The following INPP5A variants were observed in gnomAD, a reference collection of about 807,000 sequenced individuals.
INPP5A encodes the protein inositol polyphosphate-5-phosphatase A, also known as 43 kDa inositol polyphosphate 5-phophatase.
INPP5A carries 14 observed loss-of-function variants against 65.2 expected under a neutral mutation model. That is an observed-to-expected ratio of 0.21 (90% CI 0.14 to 0.34). The LOEUF is 0.34. Ranked by LOEUF, INPP5A falls within the 10% of genes least tolerant of loss-of-function variation. INPP5A has a pLI of 1.00. For missense variants in INPP5A, 431 were observed against 545.6 expected (o/e 0.79, Z 2.09); for synonymous variants, 207 against 208.3 (o/e 0.99, Z 0.05).
At chr10:132,624,409 C>T (rs1057002475) in intron 2 of INPP5A, among the ~76,000 whole-genome samples, 6 of 152,270 alleles carry the variant, frequency 3.9e-5, no homozygotes, top group Admixed American at 6.5e-5. Context: ...CACACCGGCG[C>T]GCCCTCACCA....
rs779652151 is a variant in INPP5A, at chr10:132,741,806, G to A, written c.733-7711G>A. Among the ~76,000 whole-genome samples, 2 of 128,774 alleles carry A rather than the reference G, an allele frequency of 1.6e-5. No homozygotes were observed. The highest frequency in any genetic ancestry group is 5.4e-4 in the East Asian group (2 of 3,718). 84.5% of individuals were successfully genotyped at this position (128,774 alleles called of 152,430 possible). A position where few individuals can be genotyped will look rare whatever the true frequency, so the allele number is the denominator to read the frequency against. ...CCGCTTGCTTTACTCAATAGCCGACGTAAACTGAGGTGGACGTTGGCGTCC... is the reference window on the plus strand; with the variant it reads ...CCGCTTGCTTTACTCAATAGCCGACATAAACTGAGGTGGACGTTGGCGTCC... On this transcript the variant is annotated intron_variant, in intron 9 of 15. Coordinates refer to ENST00000368594, the MANE Select transcript of INPP5A (RefSeq NM_005539.5). This position sits in a 1 kb window ranked among gnomAD's most constrained non-coding sequence, Gnocchi z 4.4.
chr10:132,697,974 G>A lies in INPP5A; in HGVS notation c.474+55G>A, dbSNP rs1845373224. The A allele has an allele frequency of 1.7e-6, 2 of 1,178,838 alleles. No individual in the cohort carries two copies. The highest frequency in any genetic ancestry group is 1.9e-4 in the Middle Eastern group (1 of 5,280). 73.0% of individuals were successfully genotyped at this position (1,178,838 alleles called of 1,614,324 possible). On this transcript the variant is annotated intron_variant, in intron 6 of 15. Transcript: ENST00000368594. This position sits in a 1 kb window ranked among gnomAD's most constrained non-coding sequence, Gnocchi z 5.6. ...TTTACTTCTCAGAGTGAGCCAGTCAGAAGTGACATGGAACACGGAATTTTC... is the reference window on the plus strand; with the variant it reads ...TTTACTTCTCAGAGTGAGCCAGTCAAAAGTGACATGGAACACGGAATTTTC...
intron 2 of INPP5A, among the ~76,000 whole-genome samples, chr10:132,641,077 C>T (rs147280649): frequency 5.7e-4 from 87 of 152,344 alleles, no homozygotes; most frequent in Admixed American, 9.1e-4. Context: ...CGATTCACTG[C>T]GTCATTAAGA....
chr10:132,693,102 A>G (rs1404415899), intron 5 of INPP5A, among the ~76,000 whole-genome samples: 4 of 152,206 alleles, frequency 2.6e-5, no homozygotes, highest in Admixed American at 2.6e-4. Flanking sequence ...AAAAGTGGAC[A>G]TGGATTAGTT....
chr10:132,573,848 C>T (rs2071382343), intron 1 of INPP5A, among the ~76,000 whole-genome samples: 1 of 118,584 alleles, frequency 8.4e-6, no homozygotes. Context: ...GGTGTGTGTG[C>T]TGTGTGAGGT....
chr10:132,733,532 C>T (rs11146483), intron 9 of INPP5A, among the ~76,000 whole-genome samples: 2,591 of 152,272 alleles, frequency 0.017, 80 homozygotes, highest in African/African-American at 0.058. Context: ...TCAAAATCTG[C>T]TAGTTGGCAT....
intron 2 of INPP5A, among the ~76,000 whole-genome samples, chr10:132,623,010 T>C (rs532352136): frequency 1.3e-5 from 2 of 150,862 alleles, no homozygotes; most frequent in South Asian, 2.1e-4. Flanking sequence ...TTGAGAAATA[T>C]ACCGTCCGTG....
At chr10:132,700,535 G>C (rs1044807012) in intron 6 of INPP5A, among the ~76,000 whole-genome samples, 1 of 152,206 alleles carries the variant, frequency 6.6e-6, no homozygotes, top group Non-Finnish European at 1.5e-5. Context: ...CCTAGTGTGG[G>C]TTTTTAACCC....
At chr10:132,541,420 C>G (rs865930874) in intron 1 of INPP5A, among the ~76,000 whole-genome samples, 4 of 152,302 alleles carry the variant, frequency 2.6e-5, no homozygotes, top group African/African-American at 7.2e-5. Context: ...GGCCATGCTG[C>G]GGGCTGCGGG....
chr10:132,648,912 T>A (rs1035142960), intron 3 of INPP5A, among the ~76,000 whole-genome samples: 2 of 152,254 alleles, frequency 1.3e-5, no homozygotes, highest in Non-Finnish European at 2.9e-5. Flanking sequence ...GTTTATCGTT[T>A]TAATCAAATT....
chr10:132,588,291 G>C (rs958468175), intron 1 of INPP5A, among the ~76,000 whole-genome samples: 1 of 152,162 alleles, frequency 6.6e-6, no homozygotes, highest in Non-Finnish European at 1.5e-5. Context: ...CAGCTAACAG[G>C]AATAATATTC....
rs1050741895 is a variant in INPP5A, at chr10:132,549,054, A to G, written c.75+10883A>G. ...GTGATCCTCCCACCTTGGCCTCCCA[A>G]GGTGCTGGGATGACAGGTGTGAGCC... On this transcript the variant is annotated intron_variant, in intron 1 of 15. Coordinates refer to ENST00000368594, the MANE Select transcript of INPP5A (RefSeq NM_005539.5). The surrounding 1 kb of genome is among the most constrained non-coding windows in gnomAD (Gnocchi z 4.9). Among the ~76,000 whole-genome samples, 4 of 151,906 alleles carry G rather than the reference A, an allele frequency of 2.6e-5. No homozygotes were observed. Among genetic ancestry groups the G allele is most frequent in the African/African-American group, 9.7e-5 (4 of 41,358 alleles).
At chr10:132,766,884 G>A (rs1180889173) in intron 12 of INPP5A, among the ~76,000 whole-genome samples, 1 of 147,884 alleles carries the variant, frequency 6.8e-6, no homozygotes, top group Non-Finnish European at 1.5e-5. Flanking sequence ...GTGGGAGCTG[G>A]AGGATGCGGC....
intron 8 of INPP5A, among the ~76,000 whole-genome samples, chr10:132,726,021 T>TG (rs575705972): frequency 7.9e-5 from 12 of 152,192 alleles, no homozygotes; most frequent in African/African-American, 2.6e-4. Flanking sequence ...ACGGCGTTAC[T>TG]GACTGGAGCC....
chr10:132,775,612 G>A (rs1847051646), intron 12 of INPP5A, among the ~76,000 whole-genome samples: 1 of 152,154 alleles, frequency 6.6e-6, no homozygotes, highest in Non-Finnish European at 1.5e-5. Context: ...GCCTGGCCAG[G>A]ACACCTCTCT....
intron 5 of INPP5A, among the ~76,000 whole-genome samples, chr10:132,693,446 A>G (rs1845299762): frequency 6.6e-6 from 1 of 152,224 alleles, no homozygotes; most frequent in Admixed American, 6.5e-5. Context: ...ATAAACACCT[A>G]AAGATTAATA....
At chr10:132,715,662 AG>A (rs1845726686) in intron 8 of INPP5A, among the ~76,000 whole-genome samples, 2 of 152,228 alleles carry the variant, frequency 1.3e-5, no homozygotes, top group South Asian at 4.1e-4. Flanking sequence ...CAGCCAGTAA[AG>A]AAAAGCTGCT....
At chr10:132,690,668 G>C (rs1236302903) in intron 5 of INPP5A, among the ~76,000 whole-genome samples, 1 of 152,166 alleles carries the variant, frequency 6.6e-6, no homozygotes, top group Non-Finnish European at 1.5e-5. Flanking sequence ...GGCTCTGGTG[G>C]GGACCTGGCT....
In INPP5A at chr10:132,629,149, C is replaced by G. The variant is rs111420320; in HGVS notation, c.118-16719C>G. On this transcript the variant is annotated intron_variant, in intron 2 of 15. Coordinates refer to ENST00000368594, the MANE Select transcript of INPP5A (RefSeq NM_005539.5). Reference sequence around the variant, plus strand: ...GGGTGCCGAGGGTGGGTCCATTTGGCTGCCTGACGTGTGTCCCCAGCACTG... The same window carrying G: ...GGGTGCCGAGGGTGGGTCCATTTGGGTGCCTGACGTGTGTCCCCAGCACTG... 8.1e-3 allele frequency among the ~76,000 whole-genome samples: 1,238 copies of G among 152,304 alleles called. 15 individuals are homozygous for G. Among genetic ancestry groups the G allele is most frequent in the African/African-American group, 0.029 (1,186 of 41,562 alleles).
Sources: gnomAD v4.1 joint callset for allele counts (sites outside exome capture counted in the v4.1 genomes callset) on GRCh38, gnomAD v4.1.1 for gene constraint, Gnocchi (gnomAD v3.1) non-coding constraint, MANE v1.5 for transcripts, NCBI Gene and HGNC (gene_info 2026-07-23, HGNC 2026-07-21) for gene names.